Variants in KDM4B observed in about 807,000 individuals in gnomAD.
KDM4B encodes the protein lysine-specific demethylase 4B.
In KDM4B, 32 loss-of-function variants were observed where a neutral mutation model predicts 125.2. The ratio of observed to expected loss-of-function variants is 0.26; its 90% CI spans 0.19 to 0.34. KDM4B has a LOEUF of 0.34. KDM4B is among the 10% of genes least tolerant of loss of function. The probability of loss-of-function intolerance (pLI) is 1.00; values close to 1 mark genes in which losing one functional copy is unlikely to be tolerated. For synonymous variants in KDM4B, 721 were observed against 677.9 expected, an observed-to-expected ratio of 1.06 and a Z score of -0.99; for missense variants, 1,190 against 1,577.7, an observed-to-expected ratio of 0.75 and a Z score of 4.16.
intron 7 of KDM4B, among the ~76,000 whole-genome samples, chr19:5,072,329 G>A (rs942169115): frequency 2.6e-5 from 4 of 152,174 alleles, no homozygotes; most frequent in African/African-American, 7.2e-5. Context: ...TCGGTGGTGG[G>A]GACGGAGGGG....
At chr19:5,146,189 C>T (rs112293630) in intron 21 of KDM4B, among the ~76,000 whole-genome samples, 12,387 of 147,780 alleles carry the variant, frequency 0.084, 665 homozygotes, top group East Asian at 0.27. Context: ...CCATGCAGGC[C>T]GGCCCCGCCC....
At chr19:5,059,362 A>T (rs2037511077) in intron 6 of KDM4B, among the ~76,000 whole-genome samples, 1 of 152,218 alleles carries the variant, frequency 6.6e-6, no homozygotes, top group Admixed American at 6.5e-5. Flanking sequence ...GGCCGATGAC[A>T]GCGATGCTAA....
chr19:5,008,555 C>T (rs1042764588), intron 1 of KDM4B, among the ~76,000 whole-genome samples: 3 of 151,468 alleles, frequency 2.0e-5, no homozygotes, highest in Non-Finnish European at 4.4e-5. Flanking sequence ...AAAACCCTGG[C>T]TGTTCCCTGC....
intron 11 of KDM4B, among the ~76,000 whole-genome samples, chr19:5,122,254 G>GCAGC (rs2039374839): frequency 1.3e-5 from 2 of 152,292 alleles, no homozygotes; most frequent in African/African-American, 4.8e-5. Context: ...CAGCCACAGT[G>GCAGC]CAGCCTCTTC....
chr19:4,969,319 G>T (rs1351139054), intron 1 of KDM4B, 89 bp downstream of exon 1: 5 of 146,306 alleles, frequency 3.4e-5, no homozygotes, highest in African/African-American at 9.8e-5. Context: ...GGCTGCGGGC[G>T]CGCCCGGGAC....
At chr19:5,057,151 C>T (rs1205993683) in intron 6 of KDM4B, among the ~76,000 whole-genome samples, 1 of 151,328 alleles carries the variant, frequency 6.6e-6, no homozygotes, top group East Asian at 1.9e-4. Context: ...CCTGTGCCTC[C>T]TTTTCCCAGC....
intron 2 of KDM4B, among the ~76,000 whole-genome samples, chr19:5,027,448 G>C (rs1292649500): frequency 1.3e-5 from 2 of 152,130 alleles, no homozygotes; most frequent in Admixed American, 1.3e-4. Context: ...GCTGAGAAGA[G>C]TGCCAGTTTC....
At chr19:5,012,206 C>T (rs981251498) in intron 1 of KDM4B, among the ~76,000 whole-genome samples, 5 of 152,122 alleles carry the variant, frequency 3.3e-5, no homozygotes, top group African/African-American at 1.2e-4. Context: ...CTGGGTCTTC[C>T]CCTCCTGGCA....
chr19:5,116,289 G>A (rs1214018713), intron 10 of KDM4B, among the ~76,000 whole-genome samples: 2 of 145,780 alleles, frequency 1.4e-5, no homozygotes, highest in African/African-American at 5.1e-5. Flanking sequence ...GACTCTGTTA[G>A]CATTGGATTT....
chr19:5,070,306 C>T (rs2037906145), intron 6 of KDM4B, among the ~76,000 whole-genome samples: 1 of 152,206 alleles, frequency 6.6e-6, no homozygotes, highest in African/African-American at 2.4e-5. Flanking sequence ...TGCCCACCCT[C>T]CCTGATGGGA....
At chr19:5,139,507 C>T (rs1356047691) in intron 18 of KDM4B, among the ~76,000 whole-genome samples, 1 of 152,242 alleles carries the variant, frequency 6.6e-6, no homozygotes, top group Non-Finnish European at 1.5e-5. Context: ...GGAAACTGCT[C>T]TCCCTTGCGG....
intron 6 of KDM4B, among the ~76,000 whole-genome samples, chr19:5,068,793 G>A (rs765876012): frequency 2.6e-5 from 4 of 152,228 alleles, no homozygotes; most frequent in African/African-American, 7.2e-5. Flanking sequence ...CCTGCGTCCC[G>A]CAGTCTGTGC....
rs910317018 is a variant in KDM4B, at chr19:4,987,316, G to A, written c.-109+18086G>A. 1.2e-4 allele frequency among the ~76,000 whole-genome samples: 18 copies of A among 152,328 alleles called. No homozygotes were observed. In the South Asian group the frequency reaches 1.2e-3, roughly 11 times the overall value. On this transcript the variant is annotated intron_variant, in intron 1 of 22. Coordinates refer to ENST00000159111, the MANE Select transcript of KDM4B (RefSeq NM_015015.3). ...CTGAGAGGCGCTCTTGGCCGATTGC[G>A]GTCAGGAGCGCTTTCTCTTATAGAC...
intron 21 of KDM4B, among the ~76,000 whole-genome samples, chr19:5,146,076 C>T (rs1370575492): frequency 2.0e-5 from 3 of 146,690 alleles, no homozygotes; most frequent in Non-Finnish European, 4.6e-5. Context: ...TCACCACTCT[C>T]GGACCTGTCA....
chr19:5,036,535 C>T (rs2036631501), intron 3 of KDM4B, among the ~76,000 whole-genome samples: 1 of 152,224 alleles, frequency 6.6e-6, no homozygotes, highest in African/African-American at 2.4e-5. Context: ...CCACCCCCAC[C>T]AGCTGCCTCC....
Position 5,144,801 on chromosome 19 carries a change from C to G in KDM4B, c.2920C>G (p.Leu974Val), listed in dbSNP as rs755310231. ...CCTGCAGAGTAGGGACTGTGTCCAG[C>G]TGGGACCCCCTTCCGAGGGGGAGCT... is the stretch of plus-strand genomic sequence containing the variant. ...ESITSRDCVQLGPPSEGELVE... is the reference protein window; with the variant it reads ...ESITSRDCVQVGPPSEGELVE... Residue 974 changes from leucine (L) to valine (V), a missense_variant, in exon 21 of 23, where the codon CTG (leucine) becomes GTG (valine). Around this residue, in one of 7 missense-constraint regions of KDM4B, gnomAD observed 298 missense variants for 439.7 expected, o/e 0.68. Transcript: ENST00000159111. 2 of 1,613,506 alleles carry G rather than the reference C, an allele frequency of 1.2e-6. No individual in the cohort carries two copies. Among genetic ancestry groups the G allele is most frequent in the South Asian group, 1.1e-5 (1 of 91,072 alleles).
Position 5,141,708 on chromosome 19 carries a change from C to T in KDM4B, c.2551-2259C>T, listed in dbSNP as rs966383741. The stretch of plus-strand genomic sequence containing the variant: ...GCAGTCCTGGTGAGTCAGGGGGCTC[C>T]GGCTGGCCGCCCGCCTGGGCCAAGT... On this transcript the variant is annotated intron_variant, in intron 18 of 22. Coordinates refer to ENST00000159111, the MANE Select transcript of KDM4B (RefSeq NM_015015.3). This position sits in a 1 kb window ranked among gnomAD's most constrained non-coding sequence, Gnocchi z 6.4. 3.2e-4 allele frequency among the ~76,000 whole-genome samples: 48 copies of T among 152,270 alleles called. No individual in the cohort carries two copies. Among genetic ancestry groups the T allele is most frequent in the Non-Finnish European group, 4.1e-4 (28 of 68,024 alleles).
intron 1 of KDM4B, among the ~76,000 whole-genome samples, chr19:4,975,923 A>G (rs1017067396): frequency 4.0e-5 from 6 of 150,592 alleles, no homozygotes; most frequent in African/African-American, 7.3e-5. Context: ...CCTAACTTCA[A>G]AGCATTTAGA....
At position 5,035,601 on chromosome 19, in the gene KDM4B, A is replaced by G. The variant is rs1389331473; in HGVS notation, c.141+2570A>G. Among the ~76,000 whole-genome samples the G allele has an allele frequency of 6.6e-6, 1 of 150,888 alleles. No individual in the cohort carries two copies. Among genetic ancestry groups the G allele is most frequent in the Non-Finnish European group, 1.5e-5 (1 of 67,698 alleles). On this transcript the variant is annotated intron_variant, in intron 3 of 22. Coordinates refer to ENST00000159111, the MANE Select transcript of KDM4B (RefSeq NM_015015.3). The surrounding 1 kb of genome is among the most constrained non-coding windows in gnomAD (Gnocchi z 5.3). Reference sequence around the variant, plus strand: ...TTGGCTGCCGCCTCTTTGAGCCCTCATGTCGCTGCTTCAGGTTTCTGCACT... The same window carrying G: ...TTGGCTGCCGCCTCTTTGAGCCCTCGTGTCGCTGCTTCAGGTTTCTGCACT...
Sources: gnomAD v4.1 joint callset for allele counts (sites outside exome capture counted in the v4.1 genomes callset) on GRCh38, gnomAD v4.1.1 for gene constraint, gnomAD v4.1.1 regional missense constraint, Gnocchi (gnomAD v3.1) non-coding constraint, MANE v1.5 for transcripts, NCBI Gene and HGNC (gene_info 2026-07-23, HGNC 2026-07-21) for gene names.